Variants in THSD7B observed in about 807,000 individuals in gnomAD.
THSD7B encodes the protein thrombospondin type-1 domain-containing protein 7B.
THSD7B carries 138 observed loss-of-function variants against 213.6 expected under a neutral mutation model. That is an observed-to-expected ratio of 0.65 (90% CI 0.56 to 0.74). The LOEUF (loss-of-function observed/expected upper bound fraction) is 0.74, where lower values mean the gene tolerates loss of function less well. Ranked by LOEUF, THSD7B falls within the 30% of genes least tolerant of loss-of-function variation. The pLI is 0.00. For synonymous variants in THSD7B, 742 were observed against 687.0 expected, an observed-to-expected ratio of 1.08 and a Z score of -1.25; for missense variants, 1,931 against 1,991.5, an observed-to-expected ratio of 0.97 and a Z score of 0.58.
At chr2:137,595,415 G>A (rs1220328444) in intron 17 of THSD7B, among the ~76,000 whole-genome samples, 3 of 151,882 alleles carry the variant, frequency 2.0e-5, no homozygotes, top group African/African-American at 4.8e-5. Flanking sequence ...TTTATAGCAC[G>A]TGGCTAATTA....
chr2:137,344,379 C>CG (rs1684828810), intron 12 of THSD7B, among the ~76,000 whole-genome samples: 1 of 151,596 alleles, frequency 6.6e-6, no homozygotes, highest in African/African-American at 2.4e-5. Flanking sequence ...AACTTACCAC[C>CG]CAATCATGGA....
intron 3 of THSD7B, among the ~76,000 whole-genome samples, chr2:137,064,840 T>G (rs1002369126): frequency 3.9e-5 from 6 of 152,070 alleles, no homozygotes; most frequent in African/African-American, 1.4e-4. Flanking sequence ...ATTTCTGGGT[T>G]CTCTACTCTG....
chr2:137,014,605 A>T (rs762406647), intron 2 of THSD7B, among the ~76,000 whole-genome samples: 1 of 152,190 alleles, frequency 6.6e-6, no homozygotes, highest in African/African-American at 2.4e-5. Context: ...GTTCAAATAC[A>T]TGTCTTAGTC....
intron 2 of THSD7B, among the ~76,000 whole-genome samples, chr2:137,023,475 G>C (rs962952694): frequency 6.6e-6 from 1 of 152,126 alleles, no homozygotes; most frequent in Non-Finnish European, 1.5e-5. Context: ...CAGAGCCTGG[G>C]AAGCATAGGG....
intron 12 of THSD7B, among the ~76,000 whole-genome samples, chr2:137,310,555 T>C (rs1467795267): frequency 6.6e-6 from 1 of 151,270 alleles, no homozygotes; most frequent in Non-Finnish European, 1.5e-5. Context: ...TTGCTTTTGG[T>C]GTTTTAGACA....
intron 7 of THSD7B, among the ~76,000 whole-genome samples, chr2:137,204,285 G>A (rs1680938314): frequency 1.0e-5 from 1 of 96,244 alleles, no homozygotes; most frequent in Non-Finnish European, 2.2e-5. Flanking sequence ...CTTAGTAAAG[G>A]GACAAAAAGA....
chr2:137,213,108 G>A (rs1681157735), intron 7 of THSD7B, among the ~76,000 whole-genome samples: 1 of 150,698 alleles, frequency 6.6e-6, no homozygotes, highest in Admixed American at 6.6e-5. Context: ...GAAGGAAGCT[G>A]TAAAGTCATT....
intron 1 of THSD7B, among the ~76,000 whole-genome samples, chr2:136,772,870 A>G (rs1049955895): frequency 6.6e-6 from 1 of 152,160 alleles, no homozygotes; most frequent in South Asian, 2.1e-4. Flanking sequence ...TTTTCTTGAC[A>G]TGAACTTTCA....
chr2:137,622,346 T>C (rs1206222151), intron 20 of THSD7B, among the ~76,000 whole-genome samples: 1 of 152,100 alleles, frequency 6.6e-6, no homozygotes, highest in Non-Finnish European at 1.5e-5. Flanking sequence ...GCTTTGAGCC[T>C]GCAAAAACAA....
At chr2:137,502,332 G>C (rs146234233) in intron 15 of THSD7B, among the ~76,000 whole-genome samples, 1 of 152,162 alleles carries the variant, frequency 6.6e-6, no homozygotes, top group East Asian at 1.9e-4. Flanking sequence ...ATATGTATGT[G>C]TGTATATATG....
At chr2:137,433,747 AAAAT>A (rs148737222) in intron 14 of THSD7B, among the ~76,000 whole-genome samples, 86,664 of 151,384 alleles carry the variant, frequency 0.57, 27,379 homozygotes, top group East Asian at 0.77. Context: ...CATTTACATT[AAAAT>A]AAATAAAATG....
intron 15 of THSD7B, chr2:137,479,374 G>GTGGAGC: frequency 8.4e-6 from 2 of 236,900 alleles, no homozygotes; most frequent in Non-Finnish European, 1.8e-5. Context: ...CTTGGGTCCT[G>GTGGAGC]TGGAGCTGGG....
chr2:137,618,348 G>A, intron 18 of THSD7B, 44 bp from the exon 19 acceptor site: 4 of 1,525,896 alleles, frequency 2.6e-6, no homozygotes, highest in South Asian at 1.1e-5. Context: ...TTGCTCACAT[G>A]GCCATAATTT....
At chr2:137,631,729 T>C (rs796563831) in intron 20 of THSD7B, among the ~76,000 whole-genome samples, 2 of 152,260 alleles carry the variant, frequency 1.3e-5, no homozygotes, top group African/African-American at 4.8e-5. Context: ...TTCGTTCTTA[T>C]GGCAAAAGAA....
chr2:137,308,785 A>C (rs750680943), intron 12 of THSD7B, among the ~76,000 whole-genome samples: 8 of 152,132 alleles, frequency 5.3e-5, no homozygotes, highest in Non-Finnish European at 1.0e-4. Context: ...ACAACCTTCC[A>C]AACATTTATC....
chr2:137,198,465 G>A (rs1680809810), intron 7 of THSD7B, among the ~76,000 whole-genome samples: 1 of 152,120 alleles, frequency 6.6e-6, no homozygotes, highest in African/African-American at 2.4e-5. Flanking sequence ...TTCCCCTATA[G>A]TTCCTCCCCA....
intron 12 of THSD7B, among the ~76,000 whole-genome samples, chr2:137,285,302 G>A (rs888198084): frequency 2.1e-4 from 32 of 152,134 alleles, no homozygotes; most frequent in African/African-American, 6.5e-4. Context: ...GTCTCTGCAC[G>A]TAAGATGGGT....
chr2:136,940,832 A>G (rs949962021), intron 2 of THSD7B, among the ~76,000 whole-genome samples: 1 of 148,956 alleles, frequency 6.7e-6, no homozygotes, highest in African/African-American at 2.5e-5. Context: ...GTTCTTTATC[A>G]AATTGAGAAA....
At chr2:137,314,729 A>C (rs1295317619) in intron 12 of THSD7B, among the ~76,000 whole-genome samples, 1 of 152,208 alleles carries the variant, frequency 6.6e-6, no homozygotes, top group African/African-American at 2.4e-5. Context: ...TTTAACAGAC[A>C]GGACCCTCAG....
Sources: allele counts gnomAD v4.1 joint callset (sites outside exome capture counted in the v4.1 genomes callset), GRCh38; gene constraint gnomAD v4.1.1; transcripts MANE v1.5; gene names NCBI Gene and HGNC (gene_info 2026-07-23, HGNC 2026-07-21).